Variants in AXDND1 observed in about 807,000 individuals in gnomAD.
AXDND1 encodes the protein axonemal dynein light chain domain-containing protein 1.
A neutral mutation model predicts 137.5 loss-of-function variants in AXDND1; 110 were observed. That is an observed-to-expected ratio of 0.80 (90% CI 0.69 to 0.94). AXDND1 has a LOEUF of 0.94. Ranked by LOEUF, AXDND1 falls within the 40% of genes least tolerant of loss-of-function variation. The pLI is 0.00. For missense variants in AXDND1, 1,191 were observed against 1,169.8 expected, an observed-to-expected ratio of 1.02 and a Z score of -0.26; for synonymous variants, 414 against 399.7, an observed-to-expected ratio of 1.04 and a Z score of -0.43.
At chr1:179,544,112 C>A (rs1009009546) in intron 25 of AXDND1, 2 of 152,486 alleles carry the variant, frequency 1.3e-5, no homozygotes, top group African/African-American at 4.8e-5. Flanking sequence ...TTGGAGGGAC[C>A]CCCTTTGTAA....
At chr1:179,467,809 A>C (rs1169409953) in intron 16 of AXDND1, among the ~76,000 whole-genome samples, 2 of 152,192 alleles carry the variant, frequency 1.3e-5, no homozygotes, top group Admixed American at 1.3e-4. Flanking sequence ...GACAAGAAAA[A>C]GTTTCCTTTT....
chr1:179,370,156 C>A, intron 4 of AXDND1, 78 bp downstream of exon 4: 3 of 1,134,844 alleles, frequency 2.6e-6, no homozygotes, highest in Admixed American at 4.2e-5. Flanking sequence ...TTGGGAGGGG[C>A]AGAATTAGAA....
intron 12 of AXDND1, among the ~76,000 whole-genome samples, chr1:179,418,000 TA>T (rs1654964250): frequency 6.6e-6 from 1 of 151,134 alleles, no homozygotes; most frequent in Non-Finnish European, 1.5e-5. Flanking sequence ...TTTATTTATT[TA>T]TTTTTTTATT....
intron 18 of AXDND1, among the ~76,000 whole-genome samples, chr1:179,488,167 C>T (rs1666302929): frequency 6.8e-6 from 1 of 147,376 alleles, no homozygotes; most frequent in Non-Finnish European, 1.5e-5. Context: ...AAAGTGTTCC[C>T]AGCCAATTGA....
intron 19 of AXDND1, among the ~76,000 whole-genome samples, chr1:179,492,305 T>A (rs1392339881): frequency 6.6e-6 from 1 of 151,870 alleles, no homozygotes; most frequent in Non-Finnish European, 1.5e-5. Flanking sequence ...GAACTCCTGA[T>A]CTCAAGTGAT....
At chr1:179,455,297 A>C (rs1661184420) in intron 16 of AXDND1, 1 of 85,868 alleles carries the variant, frequency 1.2e-5, no homozygotes, top group Non-Finnish European at 2.5e-5. Context: ...AAAAAAAGTA[A>C]AAAAAAAAAA....
intron 11 of AXDND1, among the ~76,000 whole-genome samples, chr1:179,395,662 G>T (rs1459986880): frequency 1.3e-5 from 2 of 152,062 alleles, no homozygotes; most frequent in East Asian, 3.8e-4. Flanking sequence ...CACTTAGAAT[G>T]GTGCTTGGCA....
chr1:179,416,936 C>T (rs973548557), intron 12 of AXDND1, among the ~76,000 whole-genome samples: 10 of 152,192 alleles, frequency 6.6e-5, no homozygotes, highest in Admixed American at 3.3e-4. Context: ...CATTTGGAAA[C>T]TTCCTTGCAT....
chr1:179,545,911 A>G (rs1229898256), intron 25 of AXDND1: 1 of 152,180 alleles, frequency 6.6e-6, no homozygotes, highest in East Asian at 1.9e-4. Flanking sequence ...AAGCCCATGA[A>G]AAAAGATAAT....
intron 15 of AXDND1, among the ~76,000 whole-genome samples, chr1:179,440,067 TTAAAG>T (rs1658776167): frequency 6.6e-6 from 1 of 152,156 alleles, no homozygotes; most frequent in African/African-American, 2.4e-5. Context: ...GTCAAAAAAT[TTAAAG>T]TAAATAAAGC....
Position 179,490,927 on chromosome 1 carries a change from A to G in AXDND1, c.2092-611A>G, listed in dbSNP as rs925667904. 2.6e-5 allele frequency among the ~76,000 whole-genome samples: 4 copies of G among 152,142 alleles called. No homozygotes were observed. In the East Asian group the frequency reaches 7.7e-4, roughly 29 times the overall value. ...TTACTGTTATTTCCCTCAATTTAAA[A>G]TCCTATGGCATCCTTGTGAGTTTGC... On this transcript the variant is annotated intron_variant, in intron 18 of 25. Coordinates refer to ENST00000367618, the MANE Select transcript of AXDND1 (RefSeq NM_144696.6).
intron 10 of AXDND1, 45 bp from the exon 11 acceptor site, chr1:179,395,053 G>A (rs1650830026): frequency 6.5e-7 from 1 of 1,531,362 alleles, no homozygotes; most frequent in African/African-American, 1.4e-5. Context: ...GAAACTTTTT[G>A]GAAATCTCCA....
chr1:179,396,952 C>T (rs184112792), intron 11 of AXDND1, among the ~76,000 whole-genome samples: 4 of 152,086 alleles, frequency 2.6e-5, no homozygotes, highest in Non-Finnish European at 5.9e-5. Flanking sequence ...CAACTCTGTG[C>T]CTTTTAATCA....
At chr1:179,554,393 T>C (rs1466538889) in intron 25 of AXDND1, 119 bp from the exon 26 acceptor site, 7 of 1,558,116 alleles carry the variant, frequency 4.5e-6, no homozygotes, top group Non-Finnish European at 6.2e-6. Context: ...TCAGTGAAAA[T>C]AATTTTTCAA....
In AXDND1 at chr1:179,533,888, G is replaced by T; in HGVS notation, c.2798+11G>T. 1.2e-6 allele frequency: 2 copies of T among 1,607,120 alleles called. No individual in the cohort carries two copies. The highest frequency in any genetic ancestry group is 1.1e-5 in the South Asian group (1 of 90,850). ...GCAGGAGAAGTTACTGTAAGTATGA[G>T]TCAACACAATGGTAAGAGGATGAAA... On this transcript the variant is annotated intron_variant, in intron 24 of 25. Coordinates refer to ENST00000367618, the MANE Select transcript of AXDND1 (RefSeq NM_144696.6).
rs11808359 is a variant in AXDND1 at position 179,552,549 on chromosome 1, T to C, written c.3032-1963T>C. On this transcript the variant is annotated intron_variant, in intron 25 of 25. Transcript: ENST00000367618. Reference sequence around the variant, plus strand: ...GTAAGGAAGCAAAGGGGAAATGTTCTCCACGAGCAGGCCTTCCTAAAGGGC... The same window carrying C: ...GTAAGGAAGCAAAGGGGAAATGTTCCCCACGAGCAGGCCTTCCTAAAGGGC... 86,688 of 1,385,258 alleles carry C rather than the reference T, an allele frequency of 0.063. 3,205 individuals are homozygous for C. The highest frequency in any genetic ancestry group is 0.078 in the Middle Eastern group (407 of 5,228). 85.8% of individuals were successfully genotyped at this position (1,385,258 alleles called of 1,614,324 possible). A position where few individuals can be genotyped will look rare whatever the true frequency, so the allele number is the denominator to read the frequency against.
chr1:179,505,467 A>C (rs1668444763), intron 20 of AXDND1, among the ~76,000 whole-genome samples: 1 of 152,084 alleles, frequency 6.6e-6, no homozygotes, highest in Non-Finnish European at 1.5e-5. Context: ...AGCCTGGCCA[A>C]CATGGTGAAA....
intron 25 of AXDND1, chr1:179,550,690 T>G: frequency 5.3e-6 from 1 of 188,480 alleles, no homozygotes; most frequent in African/African-American, 2.3e-5. Flanking sequence ...AAAGATTGAG[T>G]GTGGTTGAGG....
intron 23 of AXDND1, among the ~76,000 whole-genome samples, chr1:179,532,040 G>A (rs947753327): frequency 3.3e-5 from 5 of 152,178 alleles, no homozygotes; most frequent in Admixed American, 1.3e-4. Context: ...GTTGATGCAT[G>A]GGGGATTGCC....
Sources: allele counts gnomAD v4.1 joint callset (sites outside exome capture counted in the v4.1 genomes callset), GRCh38; gene constraint gnomAD v4.1.1; transcripts MANE v1.5; gene names NCBI Gene and HGNC (gene_info 2026-07-23, HGNC 2026-07-21).